The following CD99L2 variants were observed in gnomAD, a reference collection of about 807,000 sequenced individuals.
The protein encoded by CD99L2 is CD99 molecule like 2.
A neutral mutation model predicts 27.3 loss-of-function variants in CD99L2; 24 were observed. The observed-to-expected ratio is 0.88, with a 90% CI of 0.64 to 1.24. CD99L2 has a LOEUF of 1.24. Among genes scored for constraint, CD99L2 ranks in the 50% most tolerant of loss-of-function variants. The pLI, the probability that CD99L2 is intolerant of heterozygous loss-of-function variation, is 0.00. For missense variants in CD99L2, 255 were observed against 221.6 expected, an observed-to-expected ratio of 1.15 and a Z score of -0.96; for synonymous variants, 97 against 87.9, an observed-to-expected ratio of 1.10 and a Z score of -0.58.
At chrX:150,774,977 A>T (rs1343758615) in intron 9 of CD99L2, among the ~76,000 whole-genome samples, 1 of 112,661 alleles carries the variant, frequency 8.9e-6, no homozygotes, top group Non-Finnish European at 1.9e-5. Context: ...GTGGCCATGA[A>T]CAGTTTCGCA....
chrX:150,888,000 AGATTTGT>A (rs2047440848), intron 1 of CD99L2, among the ~76,000 whole-genome samples: 2 of 103,804 alleles, frequency 1.9e-5, no homozygotes, highest in Non-Finnish European at 3.9e-5. Context: ...CAGAAATGTG[AGATTTGT>A]GCGGCAGTTT....
intron 1 of CD99L2, among the ~76,000 whole-genome samples, chrX:150,890,672 G>T (rs1215255955): frequency 9.2e-6 from 1 of 109,193 alleles, no homozygotes; most frequent in African/African-American, 3.3e-5. Flanking sequence ...CACAGCACTG[G>T]TAAGGGCAGC....
At chrX:150,863,905 A>G (rs782174351) in intron 1 of CD99L2, among the ~76,000 whole-genome samples, 10 of 112,062 alleles carry the variant, frequency 8.9e-5, no homozygotes, top group African/African-American at 2.6e-4. Context: ...GAGGGATGCC[A>G]GGGACTGATG....
At chrX:150,817,649 G>C (rs17253225) in intron 2 of CD99L2, among the ~76,000 whole-genome samples, 6,318 of 112,048 alleles carry the variant, frequency 0.056, 148 homozygotes, top group South Asian at 0.13. Flanking sequence ...AATACAGCGA[G>C]TACCCAATAA....
intron 4 of CD99L2, among the ~76,000 whole-genome samples, chrX:150,802,789 G>A (rs2045933220): frequency 9.8e-6 from 1 of 102,401 alleles, no homozygotes. Context: ...CACCGTGTTA[G>A]CCAGGATGGT....
At chrX:150,881,597 T>C (rs1021443626) in intron 1 of CD99L2, among the ~76,000 whole-genome samples, 2 of 112,105 alleles carry the variant, frequency 1.8e-5, no homozygotes, top group Non-Finnish European at 3.8e-5. Flanking sequence ...TAACAGTTCT[T>C]GGAGGGAACT....
At chrX:150,830,713 C>T (rs16995749) in intron 2 of CD99L2, among the ~76,000 whole-genome samples, 1 of 111,481 alleles carries the variant, frequency 9.0e-6, no homozygotes, top group South Asian at 3.8e-4. Flanking sequence ...GCTACAGAAA[C>T]TGATATATCA....
chrX:150,895,909 C>T (rs1411463966), intron 1 of CD99L2, among the ~76,000 whole-genome samples: 3 of 108,493 alleles, frequency 2.8e-5, no homozygotes, highest in Non-Finnish European at 5.7e-5. Context: ...GCCTGTAGTC[C>T]CAGCTACTCA....
At chrX:150,830,168 T>C (rs782195018) in intron 2 of CD99L2, among the ~76,000 whole-genome samples, 1 of 100,681 alleles carries the variant, frequency 9.9e-6, no homozygotes, top group Non-Finnish European at 2.0e-5. Flanking sequence ...AATAAATAAA[T>C]AAACAAATAA....
At chrX:150,797,144 A>T (rs12010520) in intron 4 of CD99L2, among the ~76,000 whole-genome samples, 10,454 of 111,057 alleles carry the variant, frequency 0.094, 468 homozygotes, top group African/African-American at 0.16. Flanking sequence ...CAGATGGAAA[A>T]AATAAACACA....
At position 150,766,417 on chromosome X, in the gene CD99L2, C is replaced by T. The variant is rs2043313294; in HGVS notation, c.*2617G>A. 9.0e-6 allele frequency: 1 copy of T among 110,962 alleles called. No individual in the cohort carries two copies. Among genetic ancestry groups the T allele is most frequent in the Admixed American group, 9.5e-5 (1 of 10,478 alleles). The allele number at this position is 110,962 out of a possible 1,213,427, so 9.1% of individuals were successfully genotyped here. On this transcript the variant is annotated 3_prime_UTR_variant, in exon 11 of 11. Coordinates refer to ENST00000370377, the MANE Select transcript of CD99L2 (RefSeq NM_031462.4). ...GGACACAAGCACGTGAACAGATGTA[C>T]AGGGAATTCTGGAATTTTGAGATCA... is the stretch of plus-strand genomic sequence containing the variant.
At chrX:150,785,477 T>C (rs1178604010) in intron 7 of CD99L2, among the ~76,000 whole-genome samples, 1 of 111,698 alleles carries the variant, frequency 9.0e-6, no homozygotes. Context: ...CCTAGCATTT[T>C]ACATTTGCTT....
chrX:150,786,659 G>A (rs1297541459), intron 7 of CD99L2, among the ~76,000 whole-genome samples: 1 of 112,013 alleles, frequency 8.9e-6, no homozygotes, highest in African/African-American at 3.2e-5. Flanking sequence ...CTTTGCTACT[G>A]TGAATAGTGC....
intron 4 of CD99L2, among the ~76,000 whole-genome samples, chrX:150,798,117 GGGAGGGAGGGAGGAAAGGAAGGA>G (rs1557419951): frequency 0.013 from 758 of 56,693 alleles, 135 homozygotes; most frequent in African/African-American, 0.035. Flanking sequence ...CAGGAAGGGA[GGGAGGGAGGGAGGAAAGGAAGGA>G]AGGAAGGGAG....
intron 1 of CD99L2, among the ~76,000 whole-genome samples, chrX:150,896,867 C>T (rs991704849): frequency 8.9e-6 from 1 of 112,172 alleles, no homozygotes; most frequent in African/African-American, 3.2e-5. Flanking sequence ...AGTTACTTCA[C>T]CTCTCTGTGC....
intron 1 of CD99L2, among the ~76,000 whole-genome samples, chrX:150,831,628 G>A (rs2046446250): frequency 9.0e-6 from 1 of 111,104 alleles, no homozygotes. Context: ...GAGAGGGTCA[G>A]GAAAAATAAC....
chrX:150,784,684 A>C (rs901367732), intron 7 of CD99L2, among the ~76,000 whole-genome samples: 2 of 112,648 alleles, frequency 1.8e-5, no homozygotes, highest in Non-Finnish European at 1.9e-5. Flanking sequence ...CGCCAATCAA[A>C]AGTATCACTC....
intron 7 of CD99L2, among the ~76,000 whole-genome samples, chrX:150,787,923 T>TAA (rs2045625264): frequency 1.2e-5 from 1 of 80,127 alleles, no homozygotes; most frequent in Non-Finnish European, 2.4e-5. Context: ...TATATATATA[T>TAA]ATAAAAGGAG....
At chrX:150,814,827 G>C (rs1557420424) in intron 4 of CD99L2, 35 bp downstream of exon 4, 4 of 1,120,945 alleles carry the variant, frequency 3.6e-6, no homozygotes, top group Non-Finnish European at 4.9e-6. Context: ...TAATGAGACA[G>C]AATCCTGTAG....
Sources: gnomAD v4.1 joint callset for allele counts (sites outside exome capture counted in the v4.1 genomes callset) on GRCh38, gnomAD v4.1.1 for gene constraint, MANE v1.5 for transcripts, NCBI Gene and HGNC (gene_info 2026-07-23, HGNC 2026-07-21) for gene names.